NOTCH2NLC: variants seen among roughly 807,000 people sequenced by gnomAD.
NOTCH2NLC encodes the protein notch 2 N-terminal like C.
A neutral mutation model predicts 17.7 loss-of-function variants in NOTCH2NLC; 4 were observed. The ratio of observed to expected loss-of-function variants is 0.23; its 90% CI spans 0.11 to 0.52. NOTCH2NLC has a LOEUF of 0.52. Ranked by LOEUF, NOTCH2NLC falls within the 20% of genes least tolerant of loss-of-function variation. The probability of loss-of-function intolerance (pLI) is 0.96; values close to 1 mark genes in which losing one functional copy is unlikely to be tolerated. For missense variants in NOTCH2NLC, 57 were observed against 207.2 expected (o/e 0.28, Z 4.45); for synonymous variants, 18 against 86.0 (o/e 0.21, Z 4.38).
chr1:149,420,033 AT>A (rs1217757795), intron 1 of NOTCH2NLC, among the ~76,000 whole-genome samples: 15 of 140,386 alleles, frequency 1.1e-4, no homozygotes, highest in South Asian at 6.9e-4. Context: ...TGCCCAGCTA[AT>A]TTTTTTTTTG....
intron 1 of NOTCH2NLC, among the ~76,000 whole-genome samples, chr1:149,417,080 G>T (rs1367167428): frequency 1.1e-4 from 15 of 141,358 alleles, no homozygotes; most frequent in African/African-American, 3.9e-4. Flanking sequence ...GCAGATTATG[G>T]TGGATATCAG....
intron 1 of NOTCH2NLC, among the ~76,000 whole-genome samples, chr1:149,400,043 G>A (rs1301953361): frequency 6.8e-6 from 1 of 147,798 alleles, no homozygotes; most frequent in Non-Finnish European, 1.5e-5. Context: ...CCACAATCAT[G>A]CTGCCATTAA....
rs1274154011 is a variant in NOTCH2NLC, at chr1:149,423,331, C to G, written c.136-7611C>G. Among the ~76,000 whole-genome samples the G allele has an allele frequency of 1.3e-5, 2 of 150,766 alleles. 1 individual carries two copies. The highest frequency in any genetic ancestry group is 3.0e-5 in the Non-Finnish European group (2 of 67,632). ...GCTTCGTTTTTATTTAAATGTACCA[C>G]TTGGGATTTGAAGCTTCCGCACTTC... On this transcript the variant is annotated intron_variant, in intron 1 of 4. Coordinates refer to ENST00000650865, the MANE Select transcript of NOTCH2NLC (RefSeq NM_001364013.2).
intron 1 of NOTCH2NLC, among the ~76,000 whole-genome samples, chr1:149,423,960 T>A (rs1241646336): frequency 1.3e-5 from 2 of 150,332 alleles, no homozygotes; most frequent in African/African-American, 4.9e-5. Context: ...AGTACAGACT[T>A]AATTACTCAT....
At chr1:149,399,104 A>G (rs1264205532) in intron 1 of NOTCH2NLC, among the ~76,000 whole-genome samples, 3 of 151,074 alleles carry the variant, frequency 2.0e-5, no homozygotes, top group African/African-American at 4.9e-5. Context: ...TTCCTTTAAA[A>G]TACAGTTGTG....
chr1:149,400,111 T>TA lies in NOTCH2NLC; in HGVS notation c.135+9189_135+9190insA, dbSNP rs2084234300. Among the ~76,000 whole-genome samples the TA allele has an allele frequency of 1.4e-3, 198 of 139,428 alleles. 4 individuals are homozygous for TA. The highest frequency in any genetic ancestry group is 4.9e-3 in the African/African-American group (188 of 38,374). 91.5% of individuals were successfully genotyped at this position (139,428 alleles called of 152,430 possible). On this transcript the variant is annotated intron_variant, in intron 1 of 4. Coordinates refer to ENST00000650865, the MANE Select transcript of NOTCH2NLC (RefSeq NM_001364013.2). ...TAGATTTAGAAAAGCTGTTGATTTA[T>TA]TTATATATATATATATATATAATAT...
At chr1:149,415,923 T>C (rs2084332471) in intron 1 of NOTCH2NLC, among the ~76,000 whole-genome samples, 1 of 151,016 alleles carries the variant, frequency 6.6e-6, no homozygotes, top group Non-Finnish European at 1.5e-5. Context: ...TATTATTTAT[T>C]ATAGACTTAT....
At chr1:149,432,652 G>A (rs1324467501) in intron 2 of NOTCH2NLC, among the ~76,000 whole-genome samples, 1 of 150,304 alleles carries the variant, frequency 6.7e-6, no homozygotes, top group African/African-American at 2.4e-5. Context: ...ATTGCATTAT[G>A]GTCATTTGTT....
At chr1:149,410,336 C>G (rs2084292042) in intron 1 of NOTCH2NLC, among the ~76,000 whole-genome samples, 3 of 149,466 alleles carry the variant, frequency 2.0e-5, no homozygotes, top group Non-Finnish European at 3.0e-5. Flanking sequence ...AGAAAGAAGA[C>G]AGTTATATTT....
intron 1 of NOTCH2NLC, among the ~76,000 whole-genome samples, chr1:149,412,812 C>CA (rs1171085478): frequency 0.03 from 1,298 of 43,132 alleles, 24 homozygotes; most frequent in East Asian, 0.17. Context: ...GACTGCATCT[C>CA]AAAAAAAAAA....
chr1:149,438,341 G>GT (rs1443940838), intron 2 of NOTCH2NLC, among the ~76,000 whole-genome samples: 2 of 64,350 alleles, frequency 3.1e-5, no homozygotes, highest in Non-Finnish European at 6.0e-5. Flanking sequence ...AAAGCTCAAT[G>GT]TAATAACTGT....
chr1:149,461,528 T>G (rs2101512980), intron 3 of NOTCH2NLC, among the ~76,000 whole-genome samples: 1 of 151,098 alleles, frequency 6.6e-6, no homozygotes, highest in South Asian at 2.1e-4. Flanking sequence ...AAAACTCTTG[T>G]GTCTCCCATT....
chr1:149,461,125 G>A (rs2084647705), intron 3 of NOTCH2NLC, among the ~76,000 whole-genome samples: 2 of 150,156 alleles, frequency 1.3e-5, no homozygotes, highest in East Asian at 2.0e-4. Context: ...AGAAAAGATG[G>A]CGTTTCACCA....
At chr1:149,413,333 T>C (rs1267125315) in intron 1 of NOTCH2NLC, among the ~76,000 whole-genome samples, 1 of 151,232 alleles carries the variant, frequency 6.6e-6, no homozygotes, top group Non-Finnish European at 1.5e-5. Context: ...AGATATGCTA[T>C]GGAACCCTTC....
intron 1 of NOTCH2NLC, among the ~76,000 whole-genome samples, chr1:149,427,492 CTT>C (rs1171198772): frequency 1.0e-3 from 87 of 87,322 alleles, no homozygotes; most frequent in Middle Eastern, 6.8e-3. Flanking sequence ...TCTACCACAG[CTT>C]TTTTTTTTTT....
chr1:149,390,689 A>G lies in NOTCH2NLC; in HGVS notation c.-99A>G, dbSNP rs2084152784. On this transcript the variant is annotated 5_prime_UTR_variant, in exon 1 of 5. Transcript: ENST00000650865. ...GACTCGGGGCGCGGGGAGTCGAGGCATTTGCGCCTGTGCTTCGGACCGTAG... is the reference window on the plus strand; with the variant it reads ...GACTCGGGGCGCGGGGAGTCGAGGCGTTTGCGCCTGTGCTTCGGACCGTAG... The G allele has an allele frequency of 2.4e-6, 3 of 1,225,486 alleles. No homozygotes were observed. Among genetic ancestry groups the G allele is most frequent in the African/African-American group, 1.7e-5 (1 of 59,968 alleles). The allele number at this position is 1,225,486 out of a possible 1,614,324, so 75.9% of individuals were successfully genotyped here. A position where few individuals can be genotyped will look rare whatever the true frequency, so the allele number is the denominator to read the frequency against.
intron 3 of NOTCH2NLC, among the ~76,000 whole-genome samples, chr1:149,463,158 C>A (rs2084661074): frequency 6.6e-6 from 1 of 150,828 alleles, no homozygotes; most frequent in East Asian, 2.0e-4. Context: ...CAAACAGGAG[C>A]AGCATATGCA....
chr1:149,419,081 T>TTC lies in NOTCH2NLC; in HGVS notation c.136-11849_136-11848dup, dbSNP rs1325263292. Among the ~76,000 whole-genome samples, 3 of 148,554 alleles carry TTC rather than the reference T, an allele frequency of 2.0e-5. 1 individual carries two copies. Among genetic ancestry groups the TTC allele is most frequent in the Non-Finnish European group, 3.0e-5 (2 of 66,642 alleles). Reference sequence around the variant, plus strand: ...TTTTTTTTCTTTTCTTTTCTTTCTTTTCTCTCTCTCTCTTTCTTTAGCAGT... The same window carrying TTC: ...TTTTTTTTCTTTTCTTTTCTTTCTTTTCTCTCTCTCTCTCTTTCTTTAGCAGT... On this transcript the variant is annotated intron_variant, in intron 1 of 4. Coordinates refer to ENST00000650865, the MANE Select transcript of NOTCH2NLC (RefSeq NM_001364013.2).
In NOTCH2NLC at chr1:149,400,260, ACTTAAT is replaced by A. The variant is rs1352639578; in HGVS notation, c.135+9345_135+9350del. Among the ~76,000 whole-genome samples, 44 of 136,668 alleles carry A rather than the reference ACTTAAT, an allele frequency of 3.2e-4. 1 individual carries two copies. The highest frequency in any genetic ancestry group is 5.3e-4 in the Non-Finnish European group (33 of 62,570). 89.7% of individuals were successfully genotyped at this position (136,668 alleles called of 152,430 possible). A position where few individuals can be genotyped will look rare whatever the true frequency, so the allele number is the denominator to read the frequency against. On this transcript the variant is annotated intron_variant, in intron 1 of 4. Transcript: ENST00000650865. ...TACCATTTGATAAGTGGTAAATATT[ACTTAAT>A]CTTAATATGCCTCTCTCATTACAGT...
Sources: gnomAD v4.1 joint callset for allele counts (sites outside exome capture counted in the v4.1 genomes callset) on GRCh38, gnomAD v4.1.1 for gene constraint, MANE v1.5 for transcripts, NCBI Gene and HGNC (gene_info 2026-07-23, HGNC 2026-07-21) for gene names.